The following AMD1 variants were observed in gnomAD, a reference collection of about 807,000 sequenced individuals.
AMD1 encodes the protein S-adenosylmethionine decarboxylase proenzyme.
Under a neutral mutation model 40.2 loss-of-function variants are expected in AMD1, and 11 were observed. The observed-to-expected ratio is 0.27, with a 90% CI of 0.17 to 0.45. AMD1 has a LOEUF of 0.45. Ranked by LOEUF, AMD1 falls within the 20% of genes least tolerant of loss-of-function variation. The pLI is 1.00. For missense variants in AMD1, 257 were observed against 410.2 expected (o/e 0.63, Z 3.23); for synonymous variants, 121 against 130.8 (o/e 0.93, Z 0.51).
At chr6:110,823,374 A>G in the AMD1 span, among the ~76,000 whole-genome samples, 3 of 152,224 alleles carry the variant, frequency 2.0e-5, no homozygotes, top group Non-Finnish European at 4.4e-5. Context: ...AGTACTAACC[A>G]GATCCATCAG....
intron 1 of AMD1, among the ~76,000 whole-genome samples, chr6:110,886,150 G>A (rs933165091): frequency 6.6e-5 from 10 of 151,236 alleles, no homozygotes; most frequent in African/African-American, 2.4e-4. Context: ...AGCTGCTTGG[G>A]AGGTGGAGGT....
At position 110,895,447 on chromosome 6, in the gene AMD1, T is replaced by G. The variant is rs1363102914; in HGVS notation, c.*1831T>G. On this transcript the variant is annotated 3_prime_UTR_variant, in exon 9 of 9. Coordinates refer to ENST00000368885, the MANE Select transcript of AMD1 (RefSeq NM_001634.6). ...TGTTGACTTGAGGTCTGGTTTGGTT[T>G]TGTTTTTGTTTTGTTTTGTTTTGTT... 1 of 135,216 alleles carries G rather than the reference T, an allele frequency of 7.4e-6. No individual in the cohort carries two copies. The highest frequency in any genetic ancestry group is 3.0e-5 in the African/African-American group (1 of 33,712). 8.4% of individuals were successfully genotyped at this position (135,216 alleles called of 1,614,324 possible). A position where few individuals can be genotyped will look rare whatever the true frequency, so the allele number is the denominator to read the frequency against.
chr6:110,818,786 C>T, the AMD1 span, among the ~76,000 whole-genome samples: 1 of 152,210 alleles, frequency 6.6e-6, no homozygotes, highest in Non-Finnish European at 1.5e-5. Context: ...GATCCGCCCA[C>T]CTTGGCCTCC....
chr6:110,847,524 CA>C, the AMD1 span, among the ~76,000 whole-genome samples: 33 of 138,840 alleles, frequency 2.4e-4, no homozygotes, highest in Non-Finnish European at 1.7e-4. Context: ...GACTCCGTCT[CA>C]AAAAAAAAAA....
Position 110,892,840 on chromosome 6 carries a change from A to C in AMD1, c.708+13A>C. The C allele has an allele frequency of 6.2e-7, 1 of 1,613,670 alleles. No individual in the cohort carries two copies. Among genetic ancestry groups the C allele is most frequent in the South Asian group, 1.1e-5 (1 of 90,888 alleles). On this transcript the variant is annotated intron_variant, in intron 7 of 8. Coordinates refer to ENST00000368885, the MANE Select transcript of AMD1 (RefSeq NM_001634.6). ...AATGAAATCGGATGTGAGTAGTTAT[A>C]TATTGCTTCAATAATTATTTAAATG...
At chr6:110,876,522 A>G (rs72937587) in intron 1 of AMD1, among the ~76,000 whole-genome samples, 1 of 152,350 alleles carries the variant, frequency 6.6e-6, no homozygotes, top group Non-Finnish European at 1.5e-5. Context: ...CCGAGACTTT[A>G]AGGCACGACG....
chr6:110,887,654 T>C, intron 2 of AMD1, 63 bp downstream of exon 2: 1 of 1,181,058 alleles, frequency 8.5e-7, no homozygotes, highest in South Asian at 1.5e-5. Context: ...GTGAAACAGT[T>C]AAGTTCCTCT....
chr6:110,815,068 T>C, the AMD1 span: 1 of 1,605,074 alleles, frequency 6.2e-7, no homozygotes, highest in Non-Finnish European at 8.5e-7. Flanking sequence ...CTTTGCACCC[T>C]TCGTACTCAA....
the AMD1 span, among the ~76,000 whole-genome samples, chr6:110,852,907 G>A: frequency 6.6e-6 from 1 of 150,950 alleles, no homozygotes; most frequent in East Asian, 1.9e-4. Flanking sequence ...GAACTAACAT[G>A]AAAACTTTAG....
chr6:110,868,288 C>A, the AMD1 span, among the ~76,000 whole-genome samples: 1 of 151,994 alleles, frequency 6.6e-6, no homozygotes, highest in Non-Finnish European at 1.5e-5. Flanking sequence ...GCGGGGACTA[C>A]AGGCGCTCAC....
At position 110,895,331 on chromosome 6, in the gene AMD1, A is replaced by G. The variant is rs1786243902; in HGVS notation, c.*1715A>G. 1.3e-5 allele frequency: 2 copies of G among 152,182 alleles called. No homozygotes were observed. Among genetic ancestry groups the G allele is most frequent in the Admixed American group, 6.5e-5 (1 of 15,268 alleles). The allele number at this position is 152,182 out of a possible 1,614,324, so 9.4% of individuals were successfully genotyped here. On this transcript the variant is annotated 3_prime_UTR_variant, in exon 9 of 9. Transcript: ENST00000368885. ...ATCAGTGTGATCAGTTTGATTCTGT[A>G]ATGAGCACAGCACCTAATATTTTGA...
the AMD1 span, among the ~76,000 whole-genome samples, chr6:110,847,283 T>A: frequency 6.6e-6 from 1 of 152,096 alleles, no homozygotes; most frequent in African/African-American, 2.4e-5. Context: ...CCCAGCACTT[T>A]GGGAGGCCGA....
At chr6:110,862,284 C>T in the AMD1 span, among the ~76,000 whole-genome samples, 1 of 147,222 alleles carries the variant, frequency 6.8e-6, no homozygotes, top group Non-Finnish European at 1.5e-5. Context: ...TTTTTGTTCT[C>T]TGAATTCTCC....
At chr6:110,863,616 C>T in the AMD1 span, among the ~76,000 whole-genome samples, 8,030 of 151,736 alleles carry the variant, frequency 0.053, 271 homozygotes, top group South Asian at 0.1. Flanking sequence ...GTGATCCATC[C>T]GCCTCGGCCT....
chr6:110,887,189 C>G (rs943708897), intron 1 of AMD1, among the ~76,000 whole-genome samples: 2 of 151,970 alleles, frequency 1.3e-5, no homozygotes, highest in African/African-American at 4.8e-5. Context: ...GACAAAGTAT[C>G]CCATTGAATT....
At chr6:110,872,667 A>T (rs181818869), upstream of AMD1, among the ~76,000 whole-genome samples, 3 of 152,344 alleles carry the variant, frequency 2.0e-5, no homozygotes, top group Non-Finnish European at 2.9e-5. Context: ...GTATACAAGG[A>T]ATTTTGAGCT....
the AMD1 span, among the ~76,000 whole-genome samples, chr6:110,818,227 A>G: frequency 6.6e-6 from 1 of 152,316 alleles, no homozygotes; most frequent in Admixed American, 6.5e-5. Flanking sequence ...CCAGGAGTAT[A>G]GATACAAGTT....
At chr6:110,880,492 G>C (rs1308589587) in intron 1 of AMD1, among the ~76,000 whole-genome samples, 1 of 152,114 alleles carries the variant, frequency 6.6e-6, no homozygotes, top group Non-Finnish European at 1.5e-5. Context: ...TTTATTCGCT[G>C]TTAATGTTTA....
rs1786175111 is a variant in AMD1, at chr6:110,893,965, A to G, written c.*349A>G. 4.6e-6 allele frequency: 1 copy of G among 216,660 alleles called. No individual in the cohort carries two copies. The highest frequency in any genetic ancestry group is 9.4e-6 in the Non-Finnish European group (1 of 105,910). 13.4% of individuals were successfully genotyped at this position (216,660 alleles called of 1,614,324 possible). ...TGTAATATTTCTCCAAGTATCATCC[A>G]AAATTCCCCACAGACAAGGCTTTCG... is the stretch of plus-strand genomic sequence containing the variant. On this transcript the variant is annotated 3_prime_UTR_variant, in exon 9 of 9. Transcript: ENST00000368885.
Sources: gnomAD v4.1 joint callset for allele counts (sites outside exome capture counted in the v4.1 genomes callset) on GRCh38, gnomAD v4.1.1 for gene constraint, MANE v1.5 for transcripts, NCBI Gene and HGNC (gene_info 2026-07-23, HGNC 2026-07-21) for gene names.